Variants in MYO18B observed in about 807,000 individuals in gnomAD.
MYO18B encodes the protein unconventional myosin-XVIIIb.
MYO18B carries 204 observed loss-of-function variants against 273.0 expected under a neutral mutation model. The observed-to-expected ratio is 0.75, with a 90% confidence interval of 0.67 to 0.84. The LOEUF (loss-of-function observed/expected upper bound fraction) is 0.84, where lower values mean the gene tolerates loss of function less well. Among genes scored for constraint, MYO18B ranks in the 40% least tolerant of loss-of-function variants. MYO18B has a pLI of 0.00. For missense variants in MYO18B, 3,212 were observed against 3,287.6 expected (o/e 0.98, Z 0.56); for synonymous variants, 1,330 against 1,305.7 (o/e 1.02, Z -0.40).
intron 39 of MYO18B, among the ~76,000 whole-genome samples, chr22:25,962,830 C>T (rs1466281680): frequency 6.6e-6 from 1 of 152,208 alleles, no homozygotes; most frequent in Admixed American, 6.5e-5. Flanking sequence ...TTTATCACGA[C>T]ATCTCTCACT....
intron 1 of MYO18B, among the ~76,000 whole-genome samples, chr22:25,743,112 C>T (rs2085677407): frequency 6.6e-6 from 1 of 152,242 alleles, no homozygotes. Context: ...CAGTCGGCTC[C>T]CAGTCGGCTC....
At position 25,771,667 on chromosome 22, in the gene MYO18B, AGAG is replaced by A. The variant is rs535726858; in HGVS notation, c.1693-665_1693-663del. On this transcript the variant is annotated intron_variant, in intron 6 of 43. Transcript: ENST00000335473. Reference sequence around the variant, plus strand: ...TTTCTCTCCCGCGTTGGGCATTTACAGAGGCTCAGTGGCCTTGCAAGAAAGGCT... The same window carrying A: ...TTTCTCTCCCGCGTTGGGCATTTACAGCTCAGTGGCCTTGCAAGAAAGGCT... Among the ~76,000 whole-genome samples, 38 of 152,166 alleles carry A rather than the reference AGAG, an allele frequency of 2.5e-4. No homozygotes were observed. The Middle Eastern group carries it at 0.01, about 41-fold the overall frequency.
At chr22:25,807,231 A>G (rs1411806728) in intron 12 of MYO18B, among the ~76,000 whole-genome samples, 1 of 152,218 alleles carries the variant, frequency 6.6e-6, no homozygotes, top group African/African-American at 2.4e-5. Flanking sequence ...CTCTCAGCTC[A>G]GTGCTCTTTA....
Position 26,027,501 on chromosome 22 carries a change from C to T in MYO18B, c.7527C>T (p.Ser2509=), listed in dbSNP as rs368046565. 9 of 1,613,886 alleles carry T rather than the reference C, an allele frequency of 5.6e-6. No homozygotes were observed. In the African/African-American group the frequency reaches 1.2e-4, roughly 22 times the overall value. The change falls in exon 43 of 44, where the codon TCC becomes TCT. Residue 2509 remains serine (S), a synonymous_variant. Transcript: ENST00000335473. The surrounding 1 kb of genome is among the most constrained non-coding windows in gnomAD (Gnocchi z 4.1). ...ATCCCGCTCACCTGTCTGACTCGTC[C>T]TCATCCTCCGGCTCCATCGTGTCCT... ...KEDPAHLSDS[S]SSSGSIVSFK...
intron 39 of MYO18B, among the ~76,000 whole-genome samples, chr22:25,956,282 C>G (rs759785212): frequency 6.6e-6 from 1 of 150,578 alleles, no homozygotes; most frequent in Non-Finnish European, 1.5e-5. Flanking sequence ...GTGGCACGAT[C>G]TCAGCTCACT....
At chr22:25,782,102 A>C (rs2087187043) in intron 10 of MYO18B, among the ~76,000 whole-genome samples, 1 of 151,938 alleles carries the variant, frequency 6.6e-6, no homozygotes, top group Non-Finnish European at 1.5e-5. Flanking sequence ...AAGAGAGATA[A>C]TTTACATTCA....
At chr22:25,929,149 C>G (rs1254107372) in intron 34 of MYO18B, among the ~76,000 whole-genome samples, 1 of 94,092 alleles carries the variant, frequency 1.1e-5, no homozygotes, top group Non-Finnish European at 1.9e-5. Flanking sequence ...GCAACAAGAG[C>G]GAAACTGTCT....
chr22:25,988,590 A>G (rs2093227200), intron 39 of MYO18B, among the ~76,000 whole-genome samples: 1 of 151,908 alleles, frequency 6.6e-6, no homozygotes, highest in African/African-American at 2.4e-5. Flanking sequence ...TGTCTTTTCT[A>G]TGTAGGATAG....
intron 39 of MYO18B, among the ~76,000 whole-genome samples, chr22:25,977,514 G>T (rs2093104012): frequency 6.6e-6 from 1 of 152,174 alleles, no homozygotes. Context: ...CAGTGAGGAA[G>T]TGGGACATAG....
intron 31 of MYO18B, 34 bp downstream of exon 31, chr22:25,903,865 C>T (rs2091987550): frequency 1.3e-6 from 2 of 1,563,034 alleles, no homozygotes; most frequent in Non-Finnish European, 1.7e-6. Flanking sequence ...AACACCCTGT[C>T]CCATGTCTCC....
intron 10 of MYO18B, among the ~76,000 whole-genome samples, chr22:25,782,534 T>C (rs1405673091): frequency 6.6e-6 from 1 of 152,160 alleles, no homozygotes; most frequent in East Asian, 1.9e-4. Context: ...TCCTTAGGCA[T>C]GTGGCTCATG....
intron 39 of MYO18B, among the ~76,000 whole-genome samples, chr22:25,978,433 G>A (rs1321710412): frequency 6.6e-6 from 1 of 152,228 alleles, no homozygotes; most frequent in Non-Finnish European, 1.5e-5. Context: ...AATTACTGAT[G>A]TGGGGTGCAA....
intron 39 of MYO18B, among the ~76,000 whole-genome samples, chr22:25,985,356 C>G (rs1569264717): frequency 6.6e-6 from 1 of 151,164 alleles, no homozygotes; most frequent in East Asian, 2.0e-4. Flanking sequence ...GCAAGATTCA[C>G]TCTCAAAGAA....
Position 25,829,112 on chromosome 22 carries a change from C to G in MYO18B, c.2979+144C>G, listed in dbSNP as rs2145919777. On this transcript the variant is annotated intron_variant, in intron 15 of 43. Coordinates refer to ENST00000335473, the MANE Select transcript of MYO18B (RefSeq NM_032608.7). ...AGAGAACAAAGCCCTTTCCCCAGGC[C>G]TGGCTCCCCAGACCTCTGTTGCTCC... 4 of 954,896 alleles carry G rather than the reference C, an allele frequency of 4.2e-6. No individual in the cohort carries two copies. In the East Asian group the frequency reaches 1.1e-4, roughly 25 times the overall value. The allele number at this position is 954,896 out of a possible 1,614,324, so 59.2% of individuals were successfully genotyped here.
intron 34 of MYO18B, among the ~76,000 whole-genome samples, chr22:25,922,943 GTC>G (rs1450714409): frequency 6.6e-6 from 1 of 152,142 alleles, no homozygotes; most frequent in African/African-American, 2.4e-5. Context: ...AATTTCACCA[GTC>G]TCTCCCATTT....
At chr22:25,750,370 G>A (rs537505082) in intron 1 of MYO18B, among the ~76,000 whole-genome samples, 2 of 152,330 alleles carry the variant, frequency 1.3e-5, no homozygotes, top group East Asian at 3.9e-4. Flanking sequence ...TCCATTGGAA[G>A]AGTCCACAGG....
chr22:26,033,300 G>A (rs2147047667), downstream of MYO18B, among the ~76,000 whole-genome samples: 1 of 152,224 alleles, frequency 6.6e-6, no homozygotes, highest in East Asian at 1.9e-4. Context: ...AGCAGGCAGA[G>A]TCACCCTGCC....
the MYO18B span, among the ~76,000 whole-genome samples, chr22:26,060,206 A>G: frequency 6.6e-6 from 1 of 152,194 alleles, no homozygotes; most frequent in Admixed American, 6.5e-5. Context: ...CAGAACATAT[A>G]ATTTGTTTAC....
chr22:25,755,697 G>C (rs2086094133), intron 1 of MYO18B, among the ~76,000 whole-genome samples: 2 of 152,116 alleles, frequency 1.3e-5, no homozygotes, highest in Non-Finnish European at 2.9e-5. Context: ...TGCTCTATTT[G>C]TTCACGGGAC....
Sources: gnomAD v4.1 joint callset for allele counts (sites outside exome capture counted in the v4.1 genomes callset) on GRCh38, gnomAD v4.1.1 for gene constraint, Gnocchi (gnomAD v3.1) non-coding constraint, MANE v1.5 for transcripts, NCBI Gene and HGNC (gene_info 2026-07-23, HGNC 2026-07-21) for gene names.